Variants in MAGI2 observed in about 807,000 individuals in gnomAD.
MAGI2 encodes the protein membrane associated guanylate kinase, WW and PDZ domain containing 2.
In MAGI2, 35 loss-of-function variants were observed where a neutral mutation model predicts 133.3. That is an observed-to-expected ratio of 0.26 (90% confidence interval 0.20 to 0.35). MAGI2 has a LOEUF of 0.35. Among genes scored for constraint, MAGI2 ranks in the 10% least tolerant of loss-of-function variants. The probability of loss-of-function intolerance (pLI) is 1.00; values close to 1 mark genes in which losing one functional copy is unlikely to be tolerated. For synonymous variants in MAGI2, 729 were observed against 710.6 expected (o/e 1.03, Z -0.41); for missense variants, 1,636 against 1,863.4 (o/e 0.88, Z 2.25).
intron 3 of MAGI2, among the ~76,000 whole-genome samples, chr7:78,540,775 G>A (rs1454465144): frequency 2.0e-5 from 3 of 152,062 alleles, no homozygotes; most frequent in Non-Finnish European, 2.9e-5. Context: ...AGTGCCTACA[G>A]GACTCTCCCC....
chr7:78,710,603 G>T (rs1187118536), intron 2 of MAGI2, among the ~76,000 whole-genome samples: 1 of 152,100 alleles, frequency 6.6e-6, no homozygotes, highest in Non-Finnish European at 1.5e-5. Context: ...ATATCCTATT[G>T]ATGAACCGTA....
chr7:78,340,040 C>T (rs985206373), intron 9 of MAGI2, among the ~76,000 whole-genome samples: 4 of 152,016 alleles, frequency 2.6e-5, no homozygotes, highest in African/African-American at 9.7e-5. Context: ...TCTCTATACA[C>T]AAACCACTTT....
At chr7:78,795,767 G>A (rs563263220) in intron 2 of MAGI2, among the ~76,000 whole-genome samples, 10 of 151,880 alleles carry the variant, frequency 6.6e-5, no homozygotes, top group Non-Finnish European at 1.0e-4. Context: ...TAACCAAAGC[G>A]GCATGGTACC....
chr7:79,271,232 A>G (rs1281881412), intron 1 of MAGI2, among the ~76,000 whole-genome samples: 1 of 152,174 alleles, frequency 6.6e-6, no homozygotes, highest in Non-Finnish European at 1.5e-5. Flanking sequence ...TACTGAAAAC[A>G]CAATCATATA....
intron 10 of MAGI2, among the ~76,000 whole-genome samples, chr7:78,237,850 G>C (rs1319201367): frequency 6.6e-6 from 1 of 152,132 alleles, no homozygotes; most frequent in Admixed American, 6.5e-5. Context: ...AAGAAGCTTT[G>C]TTTTCAAGTG....
At chr7:78,628,690 A>C (rs1338877433) in intron 2 of MAGI2, among the ~76,000 whole-genome samples, 2 of 151,134 alleles carry the variant, frequency 1.3e-5, no homozygotes, top group Non-Finnish European at 2.9e-5. Context: ...GCTTTCCCTG[A>C]ATTGGTTATT....
At chr7:79,014,780 TG>T (rs1808524326) in intron 1 of MAGI2, among the ~76,000 whole-genome samples, 3 of 152,156 alleles carry the variant, frequency 2.0e-5, no homozygotes, top group Non-Finnish European at 4.4e-5. Flanking sequence ...ATTATTAAAC[TG>T]AAGAAAAGCC....
chr7:78,882,778 G>A (rs973316496), intron 2 of MAGI2, among the ~76,000 whole-genome samples: 7 of 152,098 alleles, frequency 4.6e-5, no homozygotes, highest in African/African-American at 9.6e-5. Flanking sequence ...CTCAATAGAC[G>A]CAAAGAAAGC....
At chr7:79,095,341 A>T (rs1165090147) in intron 1 of MAGI2, among the ~76,000 whole-genome samples, 1 of 152,200 alleles carries the variant, frequency 6.6e-6, no homozygotes, top group African/African-American at 2.4e-5. Flanking sequence ...GTGTTGCTTT[A>T]TCATTCCTAT....
At chr7:79,441,553 T>C (rs1261018286) in intron 1 of MAGI2, among the ~76,000 whole-genome samples, 3 of 152,160 alleles carry the variant, frequency 2.0e-5, no homozygotes, top group African/African-American at 4.8e-5. Flanking sequence ...TATATATGTA[T>C]TTTGCACATT....
At chr7:78,540,055 G>A (rs990739017) in intron 3 of MAGI2, among the ~76,000 whole-genome samples, 7 of 152,250 alleles carry the variant, frequency 4.6e-5, no homozygotes, top group South Asian at 2.1e-4. Flanking sequence ...CGCATCAGCT[G>A]TGATCATATA....
intron 1 of MAGI2, among the ~76,000 whole-genome samples, chr7:79,365,236 C>A (rs906237652): frequency 2.0e-5 from 3 of 152,018 alleles, no homozygotes; most frequent in Non-Finnish European, 4.4e-5. Context: ...GGTGACAATA[C>A]CAAAGCGTGG....
At chr7:78,364,150 T>C (rs559302464) in intron 7 of MAGI2, among the ~76,000 whole-genome samples, 133 of 152,304 alleles carry the variant, frequency 8.7e-4, no homozygotes, top group African/African-American at 3.1e-3. Context: ...GTGGCCAAAA[T>C]TGATGTGTGC....
At chr7:79,198,523 C>G (rs191754025) in intron 1 of MAGI2, among the ~76,000 whole-genome samples, 1 of 152,034 alleles carries the variant, frequency 6.6e-6, no homozygotes, top group African/African-American at 2.4e-5. Flanking sequence ...CAATACTGAT[C>G]CTAAGAAATA....
At chr7:79,234,866 C>T (rs989260776) in intron 1 of MAGI2, among the ~76,000 whole-genome samples, 44 of 151,736 alleles carry the variant, frequency 2.9e-4, no homozygotes, top group African/African-American at 8.0e-4. Flanking sequence ...GGAGGAGAGG[C>T]GCTCTGCGTT....
chr7:79,407,813 C>A (rs1845910229), intron 1 of MAGI2, among the ~76,000 whole-genome samples: 1 of 150,790 alleles, frequency 6.6e-6, no homozygotes, highest in Non-Finnish European at 1.5e-5. Context: ...AAAAAAAAAA[C>A]ATTTGACACA....
At chr7:79,295,400 A>C (rs894101407) in intron 1 of MAGI2, among the ~76,000 whole-genome samples, 1 of 152,166 alleles carries the variant, frequency 6.6e-6, no homozygotes, top group Admixed American at 6.5e-5. Context: ...CAGTGCTATC[A>C]CCTGCAGTAT....
rs1808179850 is a variant in MAGI2 at position 78,019,949 on chromosome 7, G to A, written c.3734C>T (p.Ala1245Val). The change falls in exon 22 of 22, where the codon GCT becomes GTT. Residue 1245 changes from alanine (A) to valine (V), a missense_variant. Transcript: ENST00000354212. Reference protein sequence around the residue: ...YDEPAPWSSPAAAAPGLPEVG... With the variant: ...YDEPAPWSSPVAAAPGLPEVG... ...TTCCGGCAGACCTGGGGCGGCGGCA[G>A]CGGGAGAACTCCAGGGGGCGGGTTC... 1.9e-6 allele frequency: 3 copies of A among 1,608,296 alleles called. No individual in the cohort carries two copies. The highest frequency in any genetic ancestry group is 2.5e-6 in the Non-Finnish European group (3 of 1,177,954).
chr7:79,088,964 T>C (rs1217043751), intron 1 of MAGI2, among the ~76,000 whole-genome samples: 1 of 152,012 alleles, frequency 6.6e-6, no homozygotes, highest in African/African-American at 2.4e-5. Flanking sequence ...ATAATTAAAC[T>C]AAAGAGTTTC....
Sources: gnomAD v4.1 joint callset for allele counts (sites outside exome capture counted in the v4.1 genomes callset) on GRCh38, gnomAD v4.1.1 for gene constraint, MANE v1.5 for transcripts, NCBI Gene and HGNC (gene_info 2026-07-23, HGNC 2026-07-21) for gene names.